Variants in NLGN1 observed in about 807,000 individuals in gnomAD.
The protein encoded by NLGN1 is neuroligin-1.
A neutral mutation model predicts 65.5 loss-of-function variants in NLGN1; 12 were observed. The observed-to-expected ratio is 0.18, with a 90% confidence interval of 0.12 to 0.30. NLGN1 has a LOEUF of 0.30. NLGN1 is among the 10% of genes least tolerant of loss of function. NLGN1 has a pLI of 1.00. For synonymous variants in NLGN1, 350 were observed against 359.5 expected (o/e 0.97, Z 0.30); for missense variants, 750 against 1,007.1 (o/e 0.74, Z 3.46).
intron 4 of NLGN1, among the ~76,000 whole-genome samples, chr3:174,211,036 G>A (rs989491319): frequency 2.6e-5 from 4 of 152,162 alleles, no homozygotes; most frequent in African/African-American, 9.7e-5. Flanking sequence ...CCCTTCTGAT[G>A]TTCAGATGTG....
rs180837952 is a variant in NLGN1 at position 173,728,388 on chromosome 3, G to C, written c.494-79292G>C. On this transcript the variant is annotated intron_variant, in intron 3 of 6. Coordinates refer to ENST00000457714, the Ensembl canonical transcript of NLGN1. Reference sequence around the variant, plus strand: ...AGGTGGACTTTGCATGTATGTATGGGAGGACAATATATAACAGAGGTGACT... The same window carrying C: ...AGGTGGACTTTGCATGTATGTATGGCAGGACAATATATAACAGAGGTGACT... Among the ~76,000 whole-genome samples the C allele has an allele frequency of 1.1e-3, 174 of 152,170 alleles. 1 individual carries two copies. Among genetic ancestry groups the C allele is most frequent in the African/African-American group, 3.9e-3 (162 of 41,544 alleles).
chr3:173,989,736 A>G lies in NLGN1; in HGVS notation c.646+181904A>G, dbSNP rs62292103. On this transcript the variant is annotated intron_variant, in intron 4 of 6. Transcript: ENST00000457714. ...AAGTAGCTTAATTATGTAATCAAAG[A>G]CCTTCTCCTCCCACCCTTCCTTTTC... is the stretch of plus-strand genomic sequence containing the variant. Among the ~76,000 whole-genome samples, 889 of 152,204 alleles carry G rather than the reference A, an allele frequency of 5.8e-3. 10 individuals are homozygous for G. Among genetic ancestry groups the G allele is most frequent in the Middle Eastern group, 0.01 (3 of 294 alleles).
chr3:174,241,803 C>A (rs6771843), intron 4 of NLGN1, among the ~76,000 whole-genome samples: 1 of 152,176 alleles, frequency 6.6e-6, no homozygotes, highest in South Asian at 2.1e-4. Context: ...GGACTACAGG[C>A]GCCCGCCACC....
intron 4 of NLGN1, among the ~76,000 whole-genome samples, chr3:174,114,013 A>G (rs976389527): frequency 2.6e-5 from 4 of 152,178 alleles, no homozygotes; most frequent in African/African-American, 9.6e-5. Flanking sequence ...TTATTTTACC[A>G]GATGCTCTCT....
At chr3:173,927,717 TC>T (rs1743268965) in intron 4 of NLGN1, among the ~76,000 whole-genome samples, 1 of 151,558 alleles carries the variant, frequency 6.6e-6, no homozygotes, top group Admixed American at 6.6e-5. Context: ...CAACTGCCGC[TC>T]CAGAAAACAC....
At chr3:173,665,851 T>A (rs1268754784) in intron 3 of NLGN1, among the ~76,000 whole-genome samples, 1 of 152,164 alleles carries the variant, frequency 6.6e-6, no homozygotes, top group African/African-American at 2.4e-5. Context: ...TAATATGAAG[T>A]TTGTCATAAT....
rs549320962 is a variant in NLGN1, at chr3:173,842,601, C to T, written c.646+34769C>T. On this transcript the variant is annotated intron_variant, in intron 4 of 6. Transcript: ENST00000457714. The stretch of plus-strand genomic sequence containing the variant: ...TACAGGCTTCATGCAAGTCTGAAAT[C>T]CAACATGGCAGACAAATCTTAAAGC... Among the ~76,000 whole-genome samples, 16 of 152,314 alleles carry T rather than the reference C, an allele frequency of 1.1e-4. No homozygotes were observed. In the South Asian group the frequency reaches 3.1e-3, roughly 30 times the overall value.
At chr3:173,930,509 A>G (rs1458740490) in intron 4 of NLGN1, among the ~76,000 whole-genome samples, 1 of 152,162 alleles carries the variant, frequency 6.6e-6, no homozygotes, top group Non-Finnish European at 1.5e-5. Context: ...TTTCATTGAA[A>G]ATGAAATTTA....
intron 2 of NLGN1, among the ~76,000 whole-genome samples, chr3:173,557,599 C>T (rs537381317): frequency 6.6e-6 from 1 of 152,064 alleles, no homozygotes; most frequent in Non-Finnish European, 1.5e-5. Context: ...TTATCTGAAT[C>T]CCTTTATTGG....
intron 1 of NLGN1, among the ~76,000 whole-genome samples, chr3:173,425,516 C>T (rs1249377540): frequency 2.0e-5 from 3 of 151,994 alleles, no homozygotes; most frequent in Non-Finnish European, 4.4e-5. Context: ...TGAGTGATTT[C>T]TGTATATGGT....
chr3:173,399,067 A>G (rs1717162209), intron 1 of NLGN1, among the ~76,000 whole-genome samples: 1 of 152,238 alleles, frequency 6.6e-6, no homozygotes, highest in Admixed American at 6.5e-5. Context: ...CCATTCATAT[A>G]TTTAAAATAT....
intron 2 of NLGN1, among the ~76,000 whole-genome samples, chr3:173,539,609 T>TACAGA (rs1560405542): frequency 1.1e-5 from 1 of 87,552 alleles, no homozygotes; most frequent in East Asian, 5.8e-4. Flanking sequence ...TATATGTATG[T>TACAGA]TATATATTAT....
intron 3 of NLGN1, among the ~76,000 whole-genome samples, chr3:173,629,923 T>TA (rs1270242459): frequency 2.0e-5 from 3 of 152,150 alleles, no homozygotes; most frequent in Non-Finnish European, 4.4e-5. Context: ...TAGAAACTTT[T>TA]AAAAAAGATA....
At chr3:173,773,094 T>G (rs1034918555) in intron 3 of NLGN1, among the ~76,000 whole-genome samples, 2 of 152,172 alleles carry the variant, frequency 1.3e-5, no homozygotes, top group Admixed American at 6.6e-5. Flanking sequence ...ATTATTTGTT[T>G]CAAGACAACA....
intron 2 of NLGN1, among the ~76,000 whole-genome samples, chr3:173,554,901 T>C (rs926997031): frequency 3.3e-5 from 5 of 152,166 alleles, no homozygotes; most frequent in Admixed American, 3.3e-4. Flanking sequence ...ATTGCTCCAT[T>C]ATCTTGCCAA....
intron 2 of NLGN1, among the ~76,000 whole-genome samples, chr3:173,568,854 T>C (rs1359441610): frequency 6.6e-6 from 1 of 152,100 alleles, no homozygotes; most frequent in Non-Finnish European, 1.5e-5. Flanking sequence ...TTTTTTCTTG[T>C]ATTTTTAGTA....
intron 4 of NLGN1, among the ~76,000 whole-genome samples, chr3:174,116,573 A>G (rs1380389863): frequency 1.3e-5 from 2 of 151,846 alleles, no homozygotes; most frequent in Admixed American, 6.6e-5. Flanking sequence ...TCTGGCCTGA[A>G]GTGATCTGCC....
intron 4 of NLGN1, among the ~76,000 whole-genome samples, chr3:174,082,970 G>T (rs1278548425): frequency 6.6e-6 from 1 of 152,110 alleles, no homozygotes; most frequent in Non-Finnish European, 1.5e-5. Context: ...CAGGTGATCC[G>T]CCCATTTCGG....
chr3:173,476,396 A>G (rs1726217651), intron 2 of NLGN1, among the ~76,000 whole-genome samples: 1 of 152,240 alleles, frequency 6.6e-6, no homozygotes, highest in Non-Finnish European at 1.5e-5. Flanking sequence ...CAAGATAACT[A>G]CATACATAAT....
Sources: allele counts gnomAD v4.1 joint callset (sites outside exome capture counted in the v4.1 genomes callset), GRCh38; gene constraint gnomAD v4.1.1; transcripts MANE v1.5; gene names NCBI Gene and HGNC (gene_info 2026-07-23, HGNC 2026-07-21).